Variants in DENND2A observed in about 807,000 individuals in gnomAD.
DENND2A encodes DENN domain containing 2A.
Under a neutral mutation model 105.3 loss-of-function variants are expected in DENND2A, and 53 were observed. The ratio of observed to expected loss-of-function variants is 0.50; its 90% CI spans 0.40 to 0.63. DENND2A has a LOEUF of 0.63. DENND2A is among the 30% of genes least tolerant of loss of function. DENND2A has a pLI of 0.00. For synonymous variants in DENND2A, 522 were observed against 508.4 expected, an observed-to-expected ratio of 1.03 and a Z score of -0.36; for missense variants, 1,138 against 1,279.6, an observed-to-expected ratio of 0.89 and a Z score of 1.69.
intron 5 of DENND2A, among the ~76,000 whole-genome samples, chr7:140,581,939 G>T (rs1798563523): frequency 6.6e-6 from 1 of 151,270 alleles, no homozygotes. Context: ...GGAGCGTTCT[G>T]CCCTGAATGC....
At chr7:140,637,660 G>A (rs269249) in intron 1 of DENND2A, among the ~76,000 whole-genome samples, 11,263 of 152,184 alleles carry the variant, frequency 0.074, 1,337 homozygotes, top group African/African-American at 0.25. Context: ...CCTGGGAAGT[G>A]GACTTGCCCA....
At chr7:140,588,375 C>T (rs917139376) in intron 3 of DENND2A, among the ~76,000 whole-genome samples, 4 of 151,932 alleles carry the variant, frequency 2.6e-5, no homozygotes, top group South Asian at 2.1e-4. Context: ...AAAAGGGGGC[C>T]GGGAGCAGTG....
intron 3 of DENND2A, among the ~76,000 whole-genome samples, chr7:140,589,571 T>G (rs1798923091): frequency 6.6e-6 from 1 of 152,208 alleles, no homozygotes; most frequent in Non-Finnish European, 1.5e-5. Context: ...TGGCTGAGTT[T>G]GGCCTTTTCT....
intron 5 of DENND2A, among the ~76,000 whole-genome samples, chr7:140,581,264 A>G (rs1482236220): frequency 1.3e-5 from 2 of 150,916 alleles, no homozygotes; most frequent in African/African-American, 2.4e-5. Flanking sequence ...ATTCTGTCTC[A>G]AAAGAAAAGA....
chr7:140,602,155 C>T lies in DENND2A; in HGVS notation c.243G>A (p.Glu81=), dbSNP rs1386242809. Residue 81 remains glutamate (E), a synonymous_variant, in exon 3 of 20, where the codon GAG becomes GAA. Coordinates refer to ENST00000496613, the MANE Select transcript of DENND2A (RefSeq NM_015689.5). ...TTCTCACCCCATCACTACTCCTCCTCTCCACCGTAGAGGACGGCAGATAAT... is the reference window on the plus strand; with the variant it reads ...TTCTCACCCCATCACTACTCCTCCTTTCCACCGTAGAGGACGGCAGATAAT... ...QEDYLPSSTV[E]RRSSDGVRTQ... The T allele has an allele frequency of 2.5e-6, 4 of 1,614,230 alleles. No individual in the cohort carries two copies. In the Admixed American group the frequency reaches 6.7e-5, roughly 27 times the overall value.
chr7:140,603,137 G>T (rs1799577585), intron 2 of DENND2A, among the ~76,000 whole-genome samples: 2 of 151,946 alleles, frequency 1.3e-5, no homozygotes, highest in Non-Finnish European at 1.5e-5. Flanking sequence ...ACAAAGATTA[G>T]CGGGGTGTGG....
At chr7:140,560,578 G>A (rs2130573912) in intron 9 of DENND2A, among the ~76,000 whole-genome samples, 1 of 151,994 alleles carries the variant, frequency 6.6e-6, no homozygotes, top group East Asian at 1.9e-4. Flanking sequence ...GATCACTTGA[G>A]GCCAGGAATT....
intron 5 of DENND2A, among the ~76,000 whole-genome samples, chr7:140,575,851 C>G (rs1011264244): frequency 9.2e-5 from 14 of 151,928 alleles, no homozygotes; most frequent in Non-Finnish European, 2.1e-4. Context: ...CACCTGTAGT[C>G]TCAGCTACTC....
intron 1 of DENND2A, among the ~76,000 whole-genome samples, chr7:140,610,723 C>A (rs1279478982): frequency 6.6e-6 from 1 of 152,154 alleles, no homozygotes; most frequent in Non-Finnish European, 1.5e-5. Context: ...AGGAAATAAA[C>A]AAGATCAGGT....
At chr7:140,534,052 C>T (rs6966334) in intron 14 of DENND2A, among the ~76,000 whole-genome samples, 48,198 of 146,632 alleles carry the variant, frequency 0.33, 8,387 homozygotes, top group African/African-American at 0.42. Flanking sequence ...TAGCTGGGAT[C>T]ACAGGCACGT....
intron 14 of DENND2A, among the ~76,000 whole-genome samples, chr7:140,539,722 G>A (rs1331473435): frequency 1.3e-5 from 2 of 152,262 alleles, no homozygotes; most frequent in Non-Finnish European, 2.9e-5. Flanking sequence ...CCGGCACAGA[G>A]GCCGCTCAGA....
At chr7:140,587,532 G>GTCT in intron 4 of DENND2A, 121 bp downstream of exon 4, 1 of 1,358,876 alleles carries the variant, frequency 7.4e-7, no homozygotes, top group Non-Finnish European at 1.0e-6. Flanking sequence ...GTGCACAGGT[G>GTCT]TCTTCAAGTG....
In DENND2A at chr7:140,559,119, G is replaced by A. The variant is rs867408526; in HGVS notation, c.1889+589C>T. 2.0e-5 allele frequency among the ~76,000 whole-genome samples: 3 copies of A among 152,308 alleles called. No individual in the cohort carries two copies. The highest frequency in any genetic ancestry group is 3.4e-3 in the Middle Eastern group (1 of 294). Reference sequence around the variant, plus strand: ...AGGGATGTGACTCGGTGAGGGAGCAGCGGAAGATGGGGACAGTTCTGTGCC... The same window carrying A: ...AGGGATGTGACTCGGTGAGGGAGCAACGGAAGATGGGGACAGTTCTGTGCC... On this transcript the variant is annotated intron_variant, in intron 10 of 19. Coordinates refer to ENST00000496613, the MANE Select transcript of DENND2A (RefSeq NM_015689.5). The surrounding 1 kb of genome is among the most constrained non-coding windows in gnomAD (Gnocchi z 4.1).
chr7:140,584,632 G>A (rs1798700498), intron 5 of DENND2A, among the ~76,000 whole-genome samples: 1 of 152,192 alleles, frequency 6.6e-6, no homozygotes, highest in Admixed American at 6.5e-5. Context: ...AAGTTCAAAA[G>A]GATATTCTGT....
At chr7:140,631,820 T>C (rs953672954) in intron 1 of DENND2A, among the ~76,000 whole-genome samples, 1 of 152,154 alleles carries the variant, frequency 6.6e-6, no homozygotes, top group South Asian at 2.1e-4. Flanking sequence ...TCCAGGGTGC[T>C]GGAGACATTG....
intron 12 of DENND2A, among the ~76,000 whole-genome samples, chr7:140,553,991 G>A (rs1416534606): frequency 6.6e-6 from 1 of 152,184 alleles, no homozygotes; most frequent in African/African-American, 2.4e-5. Flanking sequence ...ACTTAGGGAG[G>A]CCGAGGTGGG....
intron 1 of DENND2A, among the ~76,000 whole-genome samples, chr7:140,634,214 C>G (rs966573939): frequency 3.3e-5 from 5 of 151,708 alleles, no homozygotes; most frequent in African/African-American, 1.2e-4. Context: ...TAGCCAGGAC[C>G]GTCTTGATCT....
intron 6 of DENND2A, 53 bp from the exon 7 acceptor site, chr7:140,569,791 C>G: frequency 7.6e-7 from 1 of 1,309,748 alleles, no homozygotes. Flanking sequence ...CTCTCTGTGG[C>G]AGCTGGGCTT....
At chr7:140,599,585 T>C (rs1799406902) in intron 3 of DENND2A, among the ~76,000 whole-genome samples, 1 of 152,072 alleles carries the variant, frequency 6.6e-6, no homozygotes, top group Admixed American at 6.5e-5. Flanking sequence ...CACAATTTAG[T>C]TGCTTGTCCA....
Sources: allele counts gnomAD v4.1 joint callset (sites outside exome capture counted in the v4.1 genomes callset), GRCh38; gene constraint gnomAD v4.1.1; non-coding constraint Gnocchi (gnomAD v3.1); transcripts MANE v1.5; gene names NCBI Gene and HGNC (gene_info 2026-07-23, HGNC 2026-07-21).